Variants in GCH1 observed in about 807,000 individuals in gnomAD.
GCH1 encodes GTP cyclohydrolase 1, also known as GTP cyclohydrolase I.
GCH1 carries 5 observed loss-of-function variants against 25.9 expected under a neutral mutation model. That is an observed-to-expected ratio of 0.19 (90% CI 0.10 to 0.41). The LOEUF (loss-of-function observed/expected upper bound fraction) is 0.41. Ranked by LOEUF, GCH1 falls within the 10% of genes least tolerant of loss-of-function variation. GCH1 has a pLI of 1.00. For missense variants in GCH1, 261 were observed against 336.5 expected (o/e 0.78, Z 1.75); for synonymous variants, 159 against 129.6 (o/e 1.23, Z -1.54).
At chr14:54,890,311 C>G (rs1053767328) in intron 1 of GCH1, among the ~76,000 whole-genome samples, 3 of 152,136 alleles carry the variant, frequency 2.0e-5, no homozygotes, top group African/African-American at 7.2e-5. Flanking sequence ...CAGCCTGACC[C>G]ACACGGAGAA....
chr14:54,884,293 G>A (rs901817223), intron 1 of GCH1, among the ~76,000 whole-genome samples: 9 of 152,118 alleles, frequency 5.9e-5, no homozygotes, highest in Non-Finnish European at 7.4e-5. Context: ...CCTAAAGGTC[G>A]AGTAGGAGGA....
At chr14:54,892,017 A>G (rs932260664) in intron 1 of GCH1, among the ~76,000 whole-genome samples, 2 of 152,244 alleles carry the variant, frequency 1.3e-5, no homozygotes, top group Non-Finnish European at 2.9e-5. Context: ...TTCTCAGTTT[A>G]TTAATGAACA....
rs143410259 is a variant in GCH1, at chr14:54,858,585, C to T, written c.509+1096G>A. On this transcript the variant is annotated intron_variant, in intron 3 of 5. Coordinates refer to ENST00000491895, the MANE Select transcript of GCH1 (RefSeq NM_000161.3). ...ACAAGTGTGAAAGACGGCACCCGGC[C>T]GAGACTCATTTATTTCAATTATGAT... 5.8e-3 allele frequency among the ~76,000 whole-genome samples: 878 copies of T among 151,882 alleles called. 12 individuals are homozygous for T. The highest frequency in any genetic ancestry group is 0.02 in the African/African-American group (835 of 41,372).
chr14:54,892,107 T>A (rs573919244), intron 1 of GCH1, among the ~76,000 whole-genome samples: 1 of 152,194 alleles, frequency 6.6e-6, no homozygotes, highest in East Asian at 1.9e-4. Flanking sequence ...GAAAAAAAAA[T>A]TCATGCTAGT....
intron 1 of GCH1, among the ~76,000 whole-genome samples, chr14:54,900,714 G>A (rs929943132): frequency 3.3e-5 from 5 of 152,034 alleles, no homozygotes; most frequent in African/African-American, 7.2e-5. Flanking sequence ...ACAGAACACT[G>A]TCCTATGAAT....
chr14:54,888,469 T>G (rs1367405475), intron 1 of GCH1, among the ~76,000 whole-genome samples: 1 of 151,924 alleles, frequency 6.6e-6, no homozygotes, highest in African/African-American at 2.4e-5. Context: ...TAGCCCAGGC[T>G]AGCTGTTCTT....
At chr14:54,881,302 A>C (rs1336985374) in intron 1 of GCH1, among the ~76,000 whole-genome samples, 1 of 152,172 alleles carries the variant, frequency 6.6e-6, no homozygotes, top group Non-Finnish European at 1.5e-5. Context: ...AGCTTCACGC[A>C]GTGCTGCAAA....
chr14:54,891,440 C>G (rs2040421885), intron 1 of GCH1, among the ~76,000 whole-genome samples: 2 of 144,950 alleles, frequency 1.4e-5, no homozygotes, highest in African/African-American at 5.2e-5. Flanking sequence ...AACAGAGTCT[C>G]CCTCTGTCAC....
chr14:54,850,439 A>G (rs2140049054), intron 3 of GCH1, among the ~76,000 whole-genome samples: 1 of 150,644 alleles, frequency 6.6e-6, no homozygotes, highest in South Asian at 2.1e-4. Flanking sequence ...CAGCCTCCCA[A>G]GTAGCTGGGA....
At chr14:54,891,556 C>A (rs1041374511) in intron 1 of GCH1, among the ~76,000 whole-genome samples, 1 of 152,002 alleles carries the variant, frequency 6.6e-6, no homozygotes, top group African/African-American at 2.4e-5. Context: ...ATTACAGGCA[C>A]ATGCCACTAT....
chr14:54,891,804 A>G (rs533502818), intron 1 of GCH1, among the ~76,000 whole-genome samples: 8 of 152,310 alleles, frequency 5.3e-5, no homozygotes, highest in Admixed American at 5.2e-4. Flanking sequence ...CTTTGTCCAG[A>G]GCATCCACAT....
chr14:54,898,796 G>A (rs1290372772), intron 1 of GCH1, among the ~76,000 whole-genome samples: 3 of 151,986 alleles, frequency 2.0e-5, no homozygotes, highest in Non-Finnish European at 4.4e-5. Context: ...ATTTTTACAT[G>A]TTTAGTAGAG....
chr14:54,852,232 G>C (rs922768790), intron 3 of GCH1, among the ~76,000 whole-genome samples: 1 of 152,174 alleles, frequency 6.6e-6, no homozygotes, highest in Non-Finnish European at 1.5e-5. Context: ...CATATTTCTG[G>C]TCACAAAAAC....
Position 54,902,400 on chromosome 14 carries a change from C to T in GCH1, c.264G>A (p.Arg88=), listed in dbSNP as rs2140127153. The change falls in exon 1 of 6, where the codon CGG becomes CGA. Residue 88 remains arginine, a synonymous_variant. Coordinates refer to ENST00000491895, the MANE Select transcript of GCH1 (RefSeq NM_000161.3). ...TCCAGGGCGTCTTGAGCAGCCCTTGCCGCTGGGGGTTCTCGCCCAGCGAGC... is the reference window on the plus strand; with the variant it reads ...TCCAGGGCGTCTTGAGCAGCCCTTGTCGCTGGGGGTTCTCGCCCAGCGAGC... ...ILSSLGENPQ[R]QGLLKTPWRA... 3.7e-6 allele frequency: 6 copies of T among 1,613,146 alleles called. No individual in the cohort carries two copies. The East Asian group carries it at 1.3e-4, about 36-fold the overall frequency.
intron 1 of GCH1, among the ~76,000 whole-genome samples, chr14:54,875,984 A>G (rs532247470): frequency 2.0e-4 from 30 of 152,360 alleles, no homozygotes; most frequent in Admixed American, 1.6e-3. Flanking sequence ...TGACCCAGCC[A>G]TCCCATTATT....
chr14:54,845,295 T>A (rs2039624449), intron 5 of GCH1, among the ~76,000 whole-genome samples: 1 of 146,986 alleles, frequency 6.8e-6, no homozygotes, highest in Non-Finnish European at 1.5e-5. Flanking sequence ...CTGGCCGACA[T>A]GATGAAACCC....
chr14:54,847,005 G>A, intron 4 of GCH1, 94 bp downstream of exon 4: 1 of 541,230 alleles, frequency 1.8e-6, no homozygotes, highest in Non-Finnish European at 3.4e-6. Flanking sequence ...ACTCCAGCCT[G>A]GGTGACAGAG....
In GCH1 at chr14:54,898,973, C is replaced by T. The variant is rs143132939; in HGVS notation, c.343+3348G>A. 4.5e-4 allele frequency among the ~76,000 whole-genome samples: 69 copies of T among 151,996 alleles called. 5 individuals are homozygous for T. The East Asian group carries it at 7.7e-3, about 17-fold the overall frequency. On this transcript the variant is annotated intron_variant, in intron 1 of 5. Transcript: ENST00000491895. ...GTTAAAAACTAAGACATGGGGGAGA[C>T]GAGAGGAAAAAACTAAGACACAAAC...
intron 1 of GCH1, among the ~76,000 whole-genome samples, chr14:54,870,393 G>A (rs937474372): frequency 6.6e-6 from 1 of 150,592 alleles, no homozygotes; most frequent in African/African-American, 2.4e-5. Context: ...GCCGAATAGG[G>A]ACAGCTCCAG....
Sources: gnomAD v4.1 joint callset for allele counts (sites outside exome capture counted in the v4.1 genomes callset) on GRCh38, gnomAD v4.1.1 for gene constraint, MANE v1.5 for transcripts, NCBI Gene and HGNC (gene_info 2026-07-23, HGNC 2026-07-21) for gene names.